Variants in C4orf51 observed in about 807,000 individuals in gnomAD.
The protein encoded by C4orf51 is uncharacterized protein C4orf51.
A neutral mutation model predicts 25.2 loss-of-function variants in C4orf51; 25 were observed. That is an observed-to-expected ratio of 0.99 (90% CI 0.72 to 1.39). The LOEUF (loss-of-function observed/expected upper bound fraction) is 1.39, where lower values mean the gene tolerates loss of function less well. Ranked by LOEUF, C4orf51 falls within the 40% of genes most tolerant of loss-of-function variation. C4orf51 has a pLI of 0.00. For synonymous variants in C4orf51, 100 were observed against 84.5 expected (o/e 1.18, Z -1.01); for missense variants, 252 against 239.6 (o/e 1.05, Z -0.34).
rs187275303 is a variant in C4orf51, at chr4:145,753,037, T to C, written n.168-1170T>C. Among the ~76,000 whole-genome samples the C allele has an allele frequency of 8.5e-5, 13 of 152,280 alleles. No homozygotes were observed. The East Asian group carries it at 2.3e-3, about 27-fold the overall frequency. On this transcript the variant is annotated intron_variant and non_coding_transcript_variant, in intron 1 of 1. Coordinates refer to the C4orf51 transcript ENST00000508981. Reference sequence around the variant, plus strand: ...GGCTGGGGAGGGATGGTCTTGGCAATTTAAGACTGTCTTTTCTACCCTCTT... The same window carrying C: ...GGCTGGGGAGGGATGGTCTTGGCAACTTAAGACTGTCTTTTCTACCCTCTT...
chr4:145,747,725 T>G (rs1733448785), intron 1 of C4orf51, among the ~76,000 whole-genome samples: 1 of 133,562 alleles, frequency 7.5e-6, no homozygotes. Context: ...TTCCTTCCTC[T>G]CTCTCTTTCT....
chr4:145,716,781 C>T (rs992920091), intron 2 of C4orf51, among the ~76,000 whole-genome samples: 2 of 152,170 alleles, frequency 1.3e-5, no homozygotes, highest in Non-Finnish European at 2.9e-5. Flanking sequence ...GATCACTATT[C>T]TGTTAGCTTT....
chr4:145,683,339 C>T (rs1180264701), intron 1 of C4orf51, among the ~76,000 whole-genome samples: 1 of 152,064 alleles, frequency 6.6e-6, no homozygotes, highest in Non-Finnish European at 1.5e-5. Context: ...CCAAATTTGT[C>T]TATAGATTAA....
At chr4:145,769,122 G>A (rs984503255) in intron 1 of C4orf51, among the ~76,000 whole-genome samples, 2 of 151,496 alleles carry the variant, frequency 1.3e-5, no homozygotes, top group Admixed American at 6.6e-5. Context: ...ACTGCACTTA[G>A]GGTCCAGGGC....
At chr4:145,733,687 CTT>C (rs1732637671), downstream of C4orf51, among the ~76,000 whole-genome samples, 1 of 152,208 alleles carries the variant, frequency 6.6e-6, no homozygotes, top group African/African-American at 2.4e-5. Context: ...ATTTTTGTCT[CTT>C]AGCCCTAGGT....
At chr4:145,789,930 A>G in the C4orf51 span, among the ~76,000 whole-genome samples, 5 of 151,894 alleles carry the variant, frequency 3.3e-5, no homozygotes, top group Admixed American at 3.3e-4. Context: ...CTGTTACCCA[A>G]CTCCTCTTTG....
chr4:145,744,114 G>A (rs545991268), intron 1 of C4orf51, among the ~76,000 whole-genome samples: 1 of 151,626 alleles, frequency 6.6e-6, no homozygotes, highest in Non-Finnish European at 1.5e-5. Flanking sequence ...GCCAACACAC[G>A]ATTTTCCATA....
At chr4:145,745,468 A>G (rs1276349748) in intron 1 of C4orf51, among the ~76,000 whole-genome samples, 1 of 152,152 alleles carries the variant, frequency 6.6e-6, no homozygotes, top group Non-Finnish European at 1.5e-5. Flanking sequence ...ATATGTAAGA[A>G]CATGTCAAAT....
At chr4:145,755,260 G>C (rs1037121342), downstream of C4orf51, among the ~76,000 whole-genome samples, 2 of 152,172 alleles carry the variant, frequency 1.3e-5, no homozygotes, top group Non-Finnish European at 2.9e-5. Flanking sequence ...GCCCTAGTTT[G>C]TGTCTGAGCC....
At chr4:145,707,960 G>T (rs1730914499) in intron 2 of C4orf51, among the ~76,000 whole-genome samples, 1 of 152,238 alleles carries the variant, frequency 6.6e-6, no homozygotes. Flanking sequence ...TGTCCCAGGG[G>T]TGGTTTGGCC....
downstream of C4orf51, among the ~76,000 whole-genome samples, chr4:145,733,127 C>CT (rs1732586587): frequency 3.9e-5 from 6 of 152,080 alleles, no homozygotes; most frequent in South Asian, 1.2e-3. Context: ...GCTGCCTGCG[C>CT]CCCCAAAGCC....
Position 145,765,308 on chromosome 4 carries a change from C to G in C4orf51, n.167-5680C>G, listed in dbSNP as rs1369870820. Reference sequence around the variant, plus strand: ...CTTCCAGGCACTGTTCCCCATATCTCTGTGCTAAAAGGAGTTAAATGTACA... The same window carrying G: ...CTTCCAGGCACTGTTCCCCATATCTGTGTGCTAAAAGGAGTTAAATGTACA... On this transcript the variant is annotated intron_variant and non_coding_transcript_variant, in intron 1 of 1. Coordinates refer to the C4orf51 transcript ENST00000510096. This position sits in a 1 kb window ranked among gnomAD's most constrained non-coding sequence, Gnocchi z 4.7. 2 of 1,044,128 alleles carry G rather than the reference C, an allele frequency of 1.9e-6. No homozygotes were observed. The highest frequency in any genetic ancestry group is 1.7e-5 in the South Asian group (1 of 58,644). 64.7% of individuals were successfully genotyped at this position (1,044,128 alleles called of 1,614,324 possible).
At chr4:145,739,337 G>A (rs1732973114) in intron 1 of C4orf51, among the ~76,000 whole-genome samples, 1 of 152,192 alleles carries the variant, frequency 6.6e-6, no homozygotes, top group South Asian at 2.1e-4. Flanking sequence ...GCGAAGCTCT[G>A]CTTACCTCCC....
chr4:145,764,551 TG>T (rs1397824257), intron 1 of C4orf51: 1 of 174,702 alleles, frequency 5.7e-6, no homozygotes, highest in Non-Finnish European at 1.2e-5. Context: ...TGTCCAATTT[TG>T]GAGGGTGGGG....
intron 3 of C4orf51, among the ~76,000 whole-genome samples, chr4:145,727,891 A>ATGTG (rs1213323580): frequency 2.8e-3 from 150 of 53,328 alleles, no homozygotes; most frequent in South Asian, 9.3e-3. Context: ...TACAAAAAAA[A>ATGTG]TGTGTATATA....
At chr4:145,771,259 T>C (rs973738161), downstream of C4orf51, among the ~76,000 whole-genome samples, 2 of 152,272 alleles carry the variant, frequency 1.3e-5, no homozygotes, top group African/African-American at 4.8e-5. Context: ...GAAATTTTTA[T>C]GTGTCAGATC....
At chr4:145,744,716 A>G (rs1733273760) in intron 1 of C4orf51, among the ~76,000 whole-genome samples, 1 of 152,088 alleles carries the variant, frequency 6.6e-6, no homozygotes, top group African/African-American at 2.4e-5. Context: ...AGCCAGGTGT[A>G]GTGGCAGGCG....
At chr4:145,747,220 TC>T (rs1733415046) in intron 1 of C4orf51, among the ~76,000 whole-genome samples, 1 of 152,134 alleles carries the variant, frequency 6.6e-6, no homozygotes, top group South Asian at 2.1e-4. Flanking sequence ...AGCTATGGCT[TC>T]CAGTACTATG....
At chr4:145,779,303 TCA>T in the C4orf51 span, 1 of 1,540,234 alleles carries the variant, frequency 6.5e-7, no homozygotes, top group Non-Finnish European at 8.7e-7. Flanking sequence ...TTAGAGAAAC[TCA>T]GTTTCCGGAG....
Sources: gnomAD v4.1 joint callset for allele counts (sites outside exome capture counted in the v4.1 genomes callset) on GRCh38, gnomAD v4.1.1 for gene constraint, Gnocchi (gnomAD v3.1) non-coding constraint, MANE v1.5 for transcripts, NCBI Gene and HGNC (gene_info 2026-07-23, HGNC 2026-07-21) for gene names.